The following USH2A variants were observed in gnomAD, a reference collection of about 807,000 sequenced individuals.
The protein encoded by USH2A is usherin.
USH2A carries 443 observed loss-of-function variants against 538.9 expected under a neutral mutation model. The ratio of observed to expected loss-of-function variants is 0.82; its 90% confidence interval spans 0.76 to 0.89. The LOEUF is 0.89. Ranked by LOEUF, USH2A falls within the 40% of genes least tolerant of loss-of-function variation. The pLI is 0.00. For synonymous variants in USH2A, 2,413 were observed against 2,273.5 expected (o/e 1.06, Z -1.75); for missense variants, 6,633 against 6,324.8 (o/e 1.05, Z -1.65).
At position 216,130,521 on chromosome 1, in the gene USH2A, CATATATATTTATATATATAAA is replaced by C. The variant is rs1301275975; in HGVS notation, c.4628-33329_4628-33309del. Among the ~76,000 whole-genome samples, 95 of 145,160 alleles carry C rather than the reference CATATATATTTATATATATAAA, an allele frequency of 6.5e-4. 1 individual carries two copies. The East Asian group carries it at 0.015, about 23-fold the overall frequency. On this transcript the variant is annotated intron_variant, in intron 21 of 71. Transcript: ENST00000307340. ...TTTGTATGGCTGAGTAGTATTCCAT[CATATATATTTATATATATAAA>C]ATATATATTTATATATATTATATAT... is the stretch of plus-strand genomic sequence containing the variant.
At chr1:216,282,762 G>A (rs986091334) in intron 11 of USH2A, among the ~76,000 whole-genome samples, 1 of 152,048 alleles carries the variant, frequency 6.6e-6, no homozygotes, top group Non-Finnish European at 1.5e-5. Flanking sequence ...GAAGTAAGGT[G>A]GGCATTTAAC....
At chr1:216,369,292 C>T (rs2038657894) in intron 3 of USH2A, among the ~76,000 whole-genome samples, 1 of 152,094 alleles carries the variant, frequency 6.6e-6, no homozygotes, top group Non-Finnish European at 1.5e-5. Context: ...ATGTTGTATT[C>T]CCCTACCTAC....
chr1:215,651,464 AC>A (rs1657077775), intron 64 of USH2A, among the ~76,000 whole-genome samples: 1 of 152,204 alleles, frequency 6.6e-6, no homozygotes, highest in African/African-American at 2.4e-5. Context: ...AAATGGCAAT[AC>A]AAGAAGACTG....
At chr1:215,987,524 G>A (rs578118837) in intron 35 of USH2A, among the ~76,000 whole-genome samples, 2 of 152,320 alleles carry the variant, frequency 1.3e-5, no homozygotes, top group South Asian at 4.1e-4. Flanking sequence ...CAGAGCTGGA[G>A]TGTCACACCA....
intron 3 of USH2A, among the ~76,000 whole-genome samples, chr1:216,408,134 T>G (rs1361467059): frequency 6.6e-6 from 1 of 152,194 alleles, no homozygotes; most frequent in Non-Finnish European, 1.5e-5. Flanking sequence ...TCAGTTTTCA[T>G]GTTTAAATGT....
chr1:215,914,022 T>C (rs1286354231), intron 38 of USH2A, among the ~76,000 whole-genome samples: 2 of 150,880 alleles, frequency 1.3e-5, no homozygotes, highest in Non-Finnish European at 3.0e-5. Context: ...ATCAGTGAAC[T>C]GTACCACAAA....
At position 216,250,929 on chromosome 1, in the gene USH2A, T is replaced by G. The variant is rs760084070; in HGVS notation, c.2141A>C (p.Gln714Pro). 6.2e-7 allele frequency: 1 copy of G among 1,614,068 alleles called. No individual in the cohort carries two copies. Among genetic ancestry groups the G allele is most frequent in the South Asian group, 1.1e-5 (1 of 91,082 alleles). ...AATAACGTTTGCTTTGCACTTGCAC[T>G]GGCCTGAATTTTGGTGACAGGTAAT... ...GDITCHQNSG[Q>P]CKCKANVIGL... Residue 714 changes from glutamine to proline, a missense_variant, in exon 12 of 72, where the codon CAG becomes CCG. Gln to Pro is a moderately conservative substitution (Grantham distance 76). Transcript: ENST00000307340.
intron 3 of USH2A, among the ~76,000 whole-genome samples, chr1:216,389,614 C>T (rs2039066131): frequency 2.0e-5 from 3 of 152,198 alleles, no homozygotes; most frequent in East Asian, 1.9e-4. Context: ...CACTTATATA[C>T]TTCCCATTAA....
intron 35 of USH2A, among the ~76,000 whole-genome samples, chr1:215,986,150 C>T (rs769823513): frequency 2.0e-5 from 3 of 152,026 alleles, no homozygotes; most frequent in Non-Finnish European, 4.4e-5. Flanking sequence ...GACGTGGTCT[C>T]ACTCTGTCAC....
intron 30 of USH2A, among the ~76,000 whole-genome samples, chr1:216,051,294 C>T (rs539122144): frequency 2.6e-5 from 4 of 152,322 alleles, no homozygotes; most frequent in East Asian, 1.9e-4. Context: ...TCATACTCAA[C>T]GTGCCCCAAC....
chr1:215,724,293 A>T (rs978283953), intron 61 of USH2A, among the ~76,000 whole-genome samples: 9 of 152,134 alleles, frequency 5.9e-5, no homozygotes, highest in African/African-American at 1.9e-4. Context: ...AAAAAGAATG[A>T]AATCATGTCT....
chr1:215,723,302 C>T (rs1468447434), intron 61 of USH2A, among the ~76,000 whole-genome samples: 1 of 152,150 alleles, frequency 6.6e-6, no homozygotes, highest in Non-Finnish European at 1.5e-5. Context: ...GCTGCTGCTG[C>T]CGCTGCTGCT....
At chr1:215,928,727 G>T (rs1378378725) in intron 38 of USH2A, among the ~76,000 whole-genome samples, 1 of 152,062 alleles carries the variant, frequency 6.6e-6, no homozygotes, top group Non-Finnish European at 1.5e-5. Context: ...TAAGCCAGGA[G>T]AACCATGCTG....
intron 46 of USH2A, among the ~76,000 whole-genome samples, chr1:215,841,929 A>G (rs1051562359): frequency 1.3e-5 from 2 of 152,194 alleles, no homozygotes; most frequent in Non-Finnish European, 2.9e-5. Flanking sequence ...CGGCCAACAA[A>G]CATATAAAGC....
At chr1:215,774,820 A>G (rs541109298) in intron 55 of USH2A, among the ~76,000 whole-genome samples, 1 of 152,196 alleles carries the variant, frequency 6.6e-6, no homozygotes, top group East Asian at 1.9e-4. Context: ...CTAGGCAGCT[A>G]TCAATTATAG....
At chr1:215,940,797 T>C (rs757186346) in intron 37 of USH2A, among the ~76,000 whole-genome samples, 4 of 152,176 alleles carry the variant, frequency 2.6e-5, no homozygotes, top group Non-Finnish European at 4.4e-5. Flanking sequence ...CTGTACTTCT[T>C]TGACTCCTCT....
In USH2A at chr1:215,680,194, C is replaced by T; in HGVS notation, c.12249G>A (p.Leu4083=). The T allele has an allele frequency of 6.2e-7, 1 of 1,614,168 alleles. No individual in the cohort carries two copies. Among genetic ancestry groups the T allele is most frequent in the Non-Finnish European group, 8.5e-7 (1 of 1,180,020 alleles). The change falls in exon 62 of 72, where the codon TTG becomes TTA. Residue 4083 remains leucine (L), a synonymous_variant. Transcript: ENST00000307340. ...TCATAGGTTCTGACCACTGTAGTAG[C>T]AATGCCCGGCCATTCTCTTTCTGTT... ...IVEQKENGRA[L]LLQWSEPMRT...
intron 47 of USH2A, among the ~76,000 whole-genome samples, chr1:215,832,610 A>T (rs1663354890): frequency 6.6e-6 from 1 of 152,002 alleles, no homozygotes; most frequent in Non-Finnish European, 1.5e-5. Flanking sequence ...CTTCAACGTG[A>T]TAAAAGGCAT....
At chr1:216,192,134 C>T (rs147470794) in intron 19 of USH2A, among the ~76,000 whole-genome samples, 38 of 151,938 alleles carry the variant, frequency 2.5e-4, no homozygotes, top group Middle Eastern at 3.4e-3. Context: ...CAGCTTGATC[C>T]CCCACAATGA....
Sources: gnomAD v4.1 joint callset for allele counts (sites outside exome capture counted in the v4.1 genomes callset) on GRCh38, gnomAD v4.1.1 for gene constraint, MANE v1.5 for transcripts, NCBI Gene and HGNC (gene_info 2026-07-23, HGNC 2026-07-21) for gene names.